Variants in RAB11FIP4 observed in about 807,000 individuals in gnomAD.
The protein encoded by RAB11FIP4 is RAB11 family interacting protein 4, also known as rab11 family-interacting protein 4.
In RAB11FIP4, 23 loss-of-function variants were observed where a neutral mutation model predicts 74.3. The ratio of observed to expected loss-of-function variants is 0.31; its 90% CI spans 0.22 to 0.44. The LOEUF (loss-of-function observed/expected upper bound fraction) is 0.44. Ranked by LOEUF, RAB11FIP4 falls within the 20% of genes least tolerant of loss-of-function variation. The pLI, the probability that RAB11FIP4 is intolerant of heterozygous loss-of-function variation, is 1.00. For missense variants in RAB11FIP4, 630 were observed against 863.9 expected (o/e 0.73, Z 3.39); for synonymous variants, 360 against 359.9 (o/e 1.00, Z 0.00).
Position 31,530,453 on chromosome 17 carries a change from C to T in RAB11FIP4, c.1781C>T (p.Thr594Ile). The change falls in exon 14 of 15, where the codon ACC becomes ATC. Residue 594 changes from threonine (T) to isoleucine (I), a missense_variant. Physicochemically the swap from Thr to Ile is moderately conservative, Grantham distance 89. Transcript: ENST00000621161. The stretch of plus-strand genomic sequence containing the variant: ...CAGTCTCTGGCTGCGGAGATAGACA[C>T]CGCCTCGCGCGATGAGGTAACCACA... ...KAQSLAAEID[T>I]ASRDELMEAL... is the part of the protein sequence containing the mutation. 8 of 1,613,740 alleles carry T rather than the reference C, an allele frequency of 5.0e-6. No homozygotes were observed. The highest frequency in any genetic ancestry group is 6.8e-6 in the Non-Finnish European group (8 of 1,179,758).
intron 3 of RAB11FIP4, among the ~76,000 whole-genome samples, chr17:31,437,130 A>C (rs2151629801): frequency 6.6e-6 from 1 of 152,044 alleles, no homozygotes; most frequent in African/African-American, 2.4e-5. Context: ...GGTTGGCCAG[A>C]GCCTAGTGAG....
chr17:31,475,995 A>G (rs2071788287), intron 3 of RAB11FIP4, among the ~76,000 whole-genome samples: 1 of 151,904 alleles, frequency 6.6e-6, no homozygotes, highest in African/African-American at 2.4e-5. Flanking sequence ...GTGTCTTTAA[A>G]CAGAGACATG....
At chr17:31,451,994 G>C (rs149785585) in intron 3 of RAB11FIP4, among the ~76,000 whole-genome samples, 1 of 152,062 alleles carries the variant, frequency 6.6e-6, no homozygotes, top group African/African-American at 2.4e-5. Flanking sequence ...GGGTAACTGG[G>C]ATATCCATTA....
chr17:31,414,889 A>G (rs1363515108), intron 1 of RAB11FIP4, among the ~76,000 whole-genome samples: 1 of 152,244 alleles, frequency 6.6e-6, no homozygotes, highest in African/African-American at 2.4e-5. Flanking sequence ...ATTCTTCCTT[A>G]TAACACAAGG....
intron 3 of RAB11FIP4, among the ~76,000 whole-genome samples, chr17:31,451,407 C>T (rs1034553981): frequency 5.4e-5 from 8 of 147,764 alleles, no homozygotes; most frequent in African/African-American, 1.0e-4. Flanking sequence ...TGCAGTGAGC[C>T]GAGATGGCGC....
intron 14 of RAB11FIP4, 136 bp from the exon 15 acceptor site, chr17:31,531,480 C>T (rs1445967923): frequency 1.0e-5 from 7 of 669,864 alleles, no homozygotes; most frequent in Non-Finnish European, 1.9e-5. Context: ...TGAGGCTGTC[C>T]TGGGGCCCAC....
At chr17:31,422,173 TC>T (rs1200999373) in intron 1 of RAB11FIP4, among the ~76,000 whole-genome samples, 1 of 152,096 alleles carries the variant, frequency 6.6e-6, no homozygotes, top group Non-Finnish European at 1.5e-5. Flanking sequence ...AGATCCTGCC[TC>T]CCCACCACAC....
chr17:31,415,213 G>C (rs375114957), intron 1 of RAB11FIP4, among the ~76,000 whole-genome samples: 1 of 152,252 alleles, frequency 6.6e-6, no homozygotes, highest in South Asian at 2.1e-4. Flanking sequence ...TCATGCTCCA[G>C]GTTGAGTGGC....
rs191732702 is a variant in RAB11FIP4, at chr17:31,486,383, C to T, written c.337-31268C>T. 2.7e-3 allele frequency among the ~76,000 whole-genome samples: 413 copies of T among 152,156 alleles called. 1 individual carries two copies. The highest frequency in any genetic ancestry group is 3.7e-3 in the Non-Finnish European group (251 of 67,986). On this transcript the variant is annotated intron_variant, in intron 3 of 14. Transcript: ENST00000621161. ...TCCCAAGTAGCTGGGACTACAGGTA[C>T]GTGCCACCACACCTGCCTAATGTTT...
At position 31,500,578 on chromosome 17, in the gene RAB11FIP4, G is replaced by A. The variant is rs138226831; in HGVS notation, c.337-17073G>A. The stretch of plus-strand genomic sequence containing the variant: ...TATTCTCTTGTAAAGCAATCGCTGT[G>A]TAGGTAAAATACCTTTTACATTTGT... On this transcript the variant is annotated intron_variant, in intron 3 of 14. Transcript: ENST00000621161. 1.3e-4 allele frequency among the ~76,000 whole-genome samples: 20 copies of A among 152,326 alleles called. No individual in the cohort carries two copies. In the East Asian group the frequency reaches 3.1e-3, roughly 23 times the overall value.
chr17:31,397,015 GT>G (rs1840422076), intron 1 of RAB11FIP4, among the ~76,000 whole-genome samples: 1 of 152,164 alleles, frequency 6.6e-6, no homozygotes, highest in African/African-American at 2.4e-5. Context: ...TGGCAAAGGG[GT>G]TGGGGTGCTA....
chr17:31,398,056 C>T (rs1567641997), intron 1 of RAB11FIP4, among the ~76,000 whole-genome samples: 1 of 147,434 alleles, frequency 6.8e-6, no homozygotes, highest in Non-Finnish European at 1.5e-5. Flanking sequence ...TTGTCAGACA[C>T]TTTTTTTTTT....
In RAB11FIP4 at chr17:31,525,210, G is replaced by A. The variant is rs770451832; in HGVS notation, c.1254G>A (p.Glu418=). 1 of 1,548,100 alleles carries A rather than the reference G, an allele frequency of 6.5e-7. No homozygotes were observed. Among genetic ancestry groups the A allele is most frequent in the Admixed American group, 2.0e-5 (1 of 50,896 alleles). ...AGCTGGAGAGGGAGAAGGCTACCGA[G>A]GTGGAGCTGCTCAATGCCAGGTGGG... ...YGKLEREKAT[E]VELLNARVQQ... The change falls in exon 10 of 15, where the codon GAG becomes GAA. Residue 418 remains glutamate, a synonymous_variant. Transcript: ENST00000621161.
intron 1 of RAB11FIP4, among the ~76,000 whole-genome samples, chr17:31,403,912 G>C (rs560790160): frequency 6.6e-6 from 1 of 152,254 alleles, no homozygotes; most frequent in African/African-American, 2.4e-5. Context: ...GTCTCGGTTG[G>C]GAAATGCGCA....
intron 7 of RAB11FIP4, 99 bp downstream of exon 7, chr17:31,522,494 A>G: frequency 8.2e-7 from 1 of 1,223,468 alleles, no homozygotes; most frequent in Non-Finnish European, 1.2e-6. Context: ...TGGTGCCCGC[A>G]TGTGGCTGAG....
chr17:31,518,343 C>T (rs2072598231), intron 4 of RAB11FIP4: 1 of 90,528 alleles, frequency 1.1e-5, no homozygotes, highest in Non-Finnish European at 2.0e-5. Flanking sequence ...GGCAACAGAT[C>T]AAGACCCTGT....
Position 31,486,786 on chromosome 17 carries a change from C to T in RAB11FIP4, c.337-30865C>T, listed in dbSNP as rs112432442. 8.9e-3 allele frequency among the ~76,000 whole-genome samples: 1,354 copies of T among 152,364 alleles called. 26 individuals carry two copies. Among genetic ancestry groups the T allele is most frequent in the African/African-American group, 0.031 (1,287 of 41,578 alleles). ...AGGTGGCTCTGGCCAGGAGGCCCTCCTGTACCTAATGCTGTCCCATTTGGA... is the reference window on the plus strand; with the variant it reads ...AGGTGGCTCTGGCCAGGAGGCCCTCTTGTACCTAATGCTGTCCCATTTGGA... On this transcript the variant is annotated intron_variant, in intron 3 of 14. Coordinates refer to ENST00000621161, the MANE Select transcript of RAB11FIP4 (RefSeq NM_032932.6).
At chr17:31,432,087 TG>T (rs915886659) in intron 2 of RAB11FIP4, among the ~76,000 whole-genome samples, 187 bp downstream of exon 2, 24 of 152,228 alleles carry the variant, frequency 1.6e-4, no homozygotes, top group Admixed American at 2.6e-4. Flanking sequence ...GCCCCAGCCG[TG>T]GGGGGCTGTG....
At chr17:31,523,652 T>G in intron 8 of RAB11FIP4, 41 bp downstream of exon 8, 1 of 1,543,170 alleles carries the variant, frequency 6.5e-7, no homozygotes, top group Non-Finnish European at 9.0e-7. Flanking sequence ...AATGCATGCC[T>G]GCTCCCAGGG....
Sources: gnomAD v4.1 joint callset for allele counts (sites outside exome capture counted in the v4.1 genomes callset) on GRCh38, gnomAD v4.1.1 for gene constraint, MANE v1.5 for transcripts, NCBI Gene and HGNC (gene_info 2026-07-23, HGNC 2026-07-21) for gene names.